The following NTNG2 variants were observed in gnomAD, a reference collection of about 807,000 sequenced individuals.
NTNG2 encodes the protein netrin G2.
In NTNG2, 15 loss-of-function variants were observed where a neutral mutation model predicts 47.6. The observed-to-expected ratio is 0.32, with a 90% CI of 0.21 to 0.49. The LOEUF (loss-of-function observed/expected upper bound fraction) is 0.49, where lower values mean the gene tolerates loss of function less well. NTNG2 is among the 20% of genes least tolerant of loss of function. The pLI, the probability that NTNG2 is intolerant of heterozygous loss-of-function variation, is 0.99. For missense variants in NTNG2, 578 were observed against 764.6 expected, an observed-to-expected ratio of 0.76 and a Z score of 2.88; for synonymous variants, 307 against 324.6, an observed-to-expected ratio of 0.95 and a Z score of 0.58.
chr9:132,206,161 G>T (rs1239019834), intron 3 of NTNG2, among the ~76,000 whole-genome samples: 2 of 152,188 alleles, frequency 1.3e-5, no homozygotes, highest in African/African-American at 2.4e-5. Context: ...GGGCCTGGAG[G>T]TTCTTCTACT....
chr9:132,209,946 G>A (rs1190190486), intron 3 of NTNG2, among the ~76,000 whole-genome samples: 1 of 151,894 alleles, frequency 6.6e-6, no homozygotes, highest in Non-Finnish European at 1.5e-5. Context: ...GACAGGAGCC[G>A]AGGAAGTGAT....
chr9:132,225,302 GCT>G (rs1840675328), intron 3 of NTNG2, among the ~76,000 whole-genome samples: 1 of 151,316 alleles, frequency 6.6e-6, no homozygotes, highest in Non-Finnish European at 1.5e-5. Flanking sequence ...ACAGAGTCTT[GCT>G]CTGTCTCCCA....
intron 2 of NTNG2, among the ~76,000 whole-genome samples, chr9:132,187,515 A>G (rs1354196893): frequency 4.0e-5 from 6 of 151,598 alleles, no homozygotes; most frequent in Non-Finnish European, 8.8e-5. Flanking sequence ...GACAGCGATC[A>G]ATGAAACCAT....
chr9:132,196,106 C>G (rs1254407209), intron 2 of NTNG2, among the ~76,000 whole-genome samples: 2 of 152,034 alleles, frequency 1.3e-5, no homozygotes, highest in African/African-American at 4.8e-5. Flanking sequence ...TTATTATTAA[C>G]TAAAGTCCAT....
Position 132,242,588 on chromosome 9 carries a change from CTATTCTT to C in NTNG2, c.*482_*488del, listed in dbSNP as rs1169339321. 2.6e-5 allele frequency: 4 copies of C among 152,238 alleles called. No individual in the cohort carries two copies. Among genetic ancestry groups the C allele is most frequent in the African/African-American group, 9.6e-5 (4 of 41,452 alleles). The allele number at this position is 152,238 out of a possible 1,614,324, so 9.4% of individuals were successfully genotyped here. A position where few individuals can be genotyped will look rare whatever the true frequency, so the allele number is the denominator to read the frequency against. On this transcript the variant is annotated 3_prime_UTR_variant, in exon 8 of 8. Transcript: ENST00000393229. This position sits in a 1 kb window ranked among gnomAD's most constrained non-coding sequence, Gnocchi z 5.9. Reference sequence around the variant, plus strand: ...CCAGTCGCTGACTTGGTCCTGTTTTCTATTCTTTATTTTTCCTGCAACCCACCAGACC... The same window carrying C: ...CCAGTCGCTGACTTGGTCCTGTTTTCTATTTTTCCTGCAACCCACCAGACC...
chr9:132,230,424 G>C (rs2777465), intron 4 of NTNG2, 148 bp from the exon 5 acceptor site: 574,199 of 700,818 alleles, frequency 0.82, 236,231 homozygotes, highest in South Asian at 0.91. Context: ...AGGTCATCAT[G>C]ATTGCTAGCA....
intron 7 of NTNG2, 148 bp from the exon 8 acceptor site, chr9:132,241,728 G>A (rs970251206): frequency 3.5e-6 from 2 of 577,858 alleles, no homozygotes; most frequent in South Asian, 2.1e-5. Flanking sequence ...TCCGAGGGGG[G>A]ACGTTTCGCA....
chr9:132,209,871 C>T (rs1427204790), intron 3 of NTNG2, among the ~76,000 whole-genome samples: 2 of 117,042 alleles, frequency 1.7e-5, no homozygotes, highest in Non-Finnish European at 3.3e-5. Context: ...GCAGCGTTGG[C>T]GTTGGGATGG....
chr9:132,207,184 T>A (rs547788348), intron 3 of NTNG2, among the ~76,000 whole-genome samples: 3 of 152,350 alleles, frequency 2.0e-5, no homozygotes, highest in East Asian at 3.9e-4. Context: ...TCAACAGATG[T>A]TTTTTCTCAG....
intron 4 of NTNG2, among the ~76,000 whole-genome samples, chr9:132,229,333 G>A (rs1051413192): frequency 2.0e-5 from 3 of 152,128 alleles, no homozygotes; most frequent in African/African-American, 7.2e-5. Context: ...GGGGCCAAGT[G>A]CAAGTCTGGG....
intron 7 of NTNG2, chr9:132,241,483 C>T (rs1405723221): frequency 3.1e-6 from 1 of 325,948 alleles, no homozygotes; most frequent in African/African-American, 2.2e-5. Flanking sequence ...CGAGAAAGAC[C>T]GAGCTGGGGT....
intron 4 of NTNG2, among the ~76,000 whole-genome samples, chr9:132,229,011 T>C (rs1564437758): frequency 6.6e-6 from 1 of 152,066 alleles, no homozygotes; most frequent in Non-Finnish European, 1.5e-5. Flanking sequence ...CAGCGATGGA[T>C]AGACAGGCCT....
chr9:132,243,681 C>T lies in NTNG2; in HGVS notation c.*1570C>T, dbSNP rs776639607. ...CACCACACCTGTTCTTTCCCAGCTG[C>T]GAGGTTTAGACCTGGGTCCTTCCCT... On this transcript the variant is annotated 3_prime_UTR_variant, in exon 8 of 8. Transcript: ENST00000393229. 10 of 152,360 alleles carry T rather than the reference C, an allele frequency of 6.6e-5. No homozygotes were observed. Among genetic ancestry groups the T allele is most frequent in the Admixed American group, 1.3e-4 (2 of 15,284 alleles). 9.4% of individuals were successfully genotyped at this position (152,360 alleles called of 1,614,324 possible).
rs943325157 is a variant in NTNG2, at chr9:132,162,905, TGGG to T, written c.-484+670_-484+672del. On this transcript the variant is annotated intron_variant, in intron 1 of 7. Coordinates refer to ENST00000393229, the MANE Select transcript of NTNG2 (RefSeq NM_032536.4). The surrounding 1 kb of genome is among the most constrained non-coding windows in gnomAD (Gnocchi z 4.6). Reference sequence around the variant, plus strand: ...AACCTGGAACTGAGCGGCGCGCAGGTGGGGGGAGCAGAGGCGGCGGGAAGGCGG... The same window carrying T: ...AACCTGGAACTGAGCGGCGCGCAGGTGGGAGCAGAGGCGGCGGGAAGGCGG... 6.7e-6 allele frequency among the ~76,000 whole-genome samples: 1 copy of T among 149,852 alleles called. No individual in the cohort carries two copies. The highest frequency in any genetic ancestry group is 2.1e-4 in the South Asian group (1 of 4,688).
chr9:132,184,377 CT>C (rs1363591116), intron 2 of NTNG2, among the ~76,000 whole-genome samples: 1 of 152,226 alleles, frequency 6.6e-6, no homozygotes, highest in African/African-American at 2.4e-5. Flanking sequence ...GGCTCCGCCC[CT>C]GCCTTCCTGA....
intron 4 of NTNG2, among the ~76,000 whole-genome samples, chr9:132,227,433 G>T (rs1180944008): frequency 6.6e-6 from 1 of 152,216 alleles, no homozygotes; most frequent in Non-Finnish European, 1.5e-5. Context: ...CTGAAGGCTG[G>T]CAGGTGGCCC....
chr9:132,189,598 G>T (rs1837703753), intron 2 of NTNG2, among the ~76,000 whole-genome samples: 1 of 151,934 alleles, frequency 6.6e-6, no homozygotes, highest in African/African-American at 2.4e-5. Context: ...AGGTCAAAGA[G>T]TAACCTTCCG....
In NTNG2 at chr9:132,199,631, A is replaced by G. The variant is rs1838587996; in HGVS notation, c.857+1022A>G. ...GCTGGCCTTTGGCTCCAATCCCTCCAGAGGTCGAGCTGATACTACATGGCC... is the reference window on the plus strand; with the variant it reads ...GCTGGCCTTTGGCTCCAATCCCTCCGGAGGTCGAGCTGATACTACATGGCC... On this transcript the variant is annotated intron_variant, in intron 3 of 7. Transcript: ENST00000393229. Among the ~76,000 whole-genome samples, 2 of 152,208 alleles carry G rather than the reference A, an allele frequency of 1.3e-5. 1 individual carries two copies. The highest frequency in any genetic ancestry group is 4.1e-4 in the South Asian group (2 of 4,834).
rs570173618 is a variant in NTNG2 at position 132,222,695 on chromosome 9, G to A, written c.858-4154G>A. Among the ~76,000 whole-genome samples the A allele has an allele frequency of 2.6e-5, 4 of 152,234 alleles. No individual in the cohort carries two copies. In the East Asian group the frequency reaches 5.8e-4, roughly 22 times the overall value. On this transcript the variant is annotated intron_variant, in intron 3 of 7. Transcript: ENST00000393229. The stretch of plus-strand genomic sequence containing the variant: ...GGTTCCTGAGTGCCCCCTCTCCCAC[G>A]GCCCACCCAGGACCTGCAGGATTCT...
Sources: allele counts gnomAD v4.1 joint callset (sites outside exome capture counted in the v4.1 genomes callset), GRCh38; gene constraint gnomAD v4.1.1; non-coding constraint Gnocchi (gnomAD v3.1); transcripts MANE v1.5; gene names NCBI Gene and HGNC (gene_info 2026-07-23, HGNC 2026-07-21).